Variants in AP3S2 observed in about 807,000 individuals in gnomAD.
AP3S2 encodes the protein adaptor related protein complex 3 subunit sigma 2.
In AP3S2, 22 loss-of-function variants were observed where a neutral mutation model predicts 23.4. The observed-to-expected ratio is 0.94, with a 90% CI of 0.67 to 1.34. The LOEUF is 1.34. Among genes scored for constraint, AP3S2 ranks in the 40% most tolerant of loss-of-function variants. The pLI, the probability that AP3S2 is intolerant of heterozygous loss-of-function variation, is 0.00. For missense variants in AP3S2, 241 were observed against 236.9 expected, an observed-to-expected ratio of 1.02 and a Z score of -0.11; for synonymous variants, 86 against 87.1, an observed-to-expected ratio of 0.99 and a Z score of 0.07.
intron 4 of AP3S2, among the ~76,000 whole-genome samples, chr15:89,856,527 C>T (rs1384178063): frequency 4.6e-5 from 7 of 151,940 alleles, no homozygotes; most frequent in South Asian, 4.1e-4. Context: ...GGTGCAACCC[C>T]GTCTCTACTA....
At chr15:89,892,331 A>C (rs1273484188) in intron 1 of AP3S2, among the ~76,000 whole-genome samples, 1 of 152,164 alleles carries the variant, frequency 6.6e-6, no homozygotes. Context: ...TGATGGTTAC[A>C]CAGCTTCTGT....
At chr15:89,869,710 A>T (rs1896272859) in intron 4 of AP3S2, among the ~76,000 whole-genome samples, 1 of 151,906 alleles carries the variant, frequency 6.6e-6, no homozygotes. Flanking sequence ...CACTTTGCAC[A>T]CTAGGTGGTA....
intron 3 of AP3S2, among the ~76,000 whole-genome samples, chr15:89,882,104 G>A (rs957762607): frequency 6.6e-6 from 1 of 152,024 alleles, no homozygotes; most frequent in African/African-American, 2.4e-5. Flanking sequence ...TTACAGGTGT[G>A]AGCCACCGTG....
At chr15:89,845,149 T>G (rs1895455727) in intron 4 of AP3S2, among the ~76,000 whole-genome samples, 1 of 152,170 alleles carries the variant, frequency 6.6e-6, no homozygotes, top group African/African-American at 2.4e-5. Flanking sequence ...TCAGGCAATC[T>G]GCCTACCCCG....
chr15:89,873,876 CTTTT>C (rs3055916), intron 3 of AP3S2, among the ~76,000 whole-genome samples: 4 of 76,872 alleles, frequency 5.2e-5, no homozygotes, highest in South Asian at 4.8e-4. Context: ...TTCTCTGTGG[CTTTT>C]TTTTTTTTTT....
At chr15:89,851,718 C>T (rs1452471926) in intron 4 of AP3S2, among the ~76,000 whole-genome samples, 2 of 152,086 alleles carry the variant, frequency 1.3e-5, no homozygotes, top group Non-Finnish European at 2.9e-5. Context: ...TAGTTGACTG[C>T]AGTAAAGTAT....
chr15:89,891,599 C>T (rs1054497206), intron 1 of AP3S2, among the ~76,000 whole-genome samples: 7 of 150,562 alleles, frequency 4.6e-5, no homozygotes, highest in African/African-American at 1.7e-4. Context: ...GCAGAGGTTA[C>T]AGTGAACCGA....
Position 89,889,081 on chromosome 15 carries a change from A to G in AP3S2, c.129T>C (p.Asp43=), listed in dbSNP as rs150296999. 2 of 1,614,110 alleles carry G rather than the reference A, an allele frequency of 1.2e-6. No individual in the cohort carries two copies. The highest frequency in any genetic ancestry group is 2.7e-5 in the African/African-American group (2 of 74,938). The change falls in exon 2 of 6, where the codon GAT becomes GAC. Residue 43 remains aspartate, a synonymous_variant. Transcript: ENST00000336418. ...RETFHLVLKR[D]DNICNFLEGG... ...CCTCCAAGAAGTTACAGATGTTGTC[A>G]TCCCGCTTGAGGACTAGATGGAAAG...
chr15:89,884,171 CCAGTTT>C (rs1454037203), intron 3 of AP3S2: 1 of 152,942 alleles, frequency 6.5e-6, no homozygotes, highest in African/African-American at 2.4e-5. Flanking sequence ...GCTTCTTATT[CCAGTTT>C]GAGTGTATTT....
intron 4 of AP3S2, among the ~76,000 whole-genome samples, chr15:89,867,785 C>T (rs1471150212): frequency 7.3e-6 from 1 of 137,678 alleles, no homozygotes; most frequent in Non-Finnish European, 1.6e-5. Flanking sequence ...GCAACCACCC[C>T]GTATGAGAAG....
chr15:89,858,152 G>A (rs906488085), intron 4 of AP3S2, among the ~76,000 whole-genome samples: 1 of 152,018 alleles, frequency 6.6e-6, no homozygotes, highest in Admixed American at 6.6e-5. Flanking sequence ...AAGAGATTCT[G>A]CTTTGCTGGG....
chr15:89,862,461 T>A (rs560449042), intron 4 of AP3S2, among the ~76,000 whole-genome samples: 2 of 152,204 alleles, frequency 1.3e-5, no homozygotes, highest in African/African-American at 2.4e-5. Flanking sequence ...AAAGTTATGA[T>A]GTCTGCAACT....
chr15:89,849,258 G>T (rs1414874154), intron 4 of AP3S2, among the ~76,000 whole-genome samples: 2 of 152,158 alleles, frequency 1.3e-5, no homozygotes, highest in African/African-American at 2.4e-5. Context: ...AACTTTAAAA[G>T]CGTATTACAC....
chr15:89,888,629 CA>C lies in AP3S2; in HGVS notation c.164del (p.Leu55Ter). 1.2e-6 allele frequency: 2 copies of C among 1,613,972 alleles called. No individual in the cohort carries two copies. The highest frequency in any genetic ancestry group is 2.2e-5 in the South Asian group (2 of 91,058). On this transcript the variant is annotated frameshift_variant and splice_region_variant, in exon 3 of 6. Transcript: ENST00000336418. LOFTEE classifies it high-confidence loss of function. Reference sequence around the variant, plus strand: ...TCAGTTTGTAGTCAGAGCCACCAATCAAACTGCAGAAGATGGGAAACATTTA... The same window carrying C: ...TCAGTTTGTAGTCAGAGCCACCAATCAACTGCAGAAGATGGGAAACATTTA... ...NICNFLEGGS[L>X]IGGSDYKLIY...
At chr15:89,872,700 C>T (rs1221137856) in intron 3 of AP3S2, among the ~76,000 whole-genome samples, 1 of 152,224 alleles carries the variant, frequency 6.6e-6, no homozygotes, top group Non-Finnish European at 1.5e-5. Flanking sequence ...AACCACCCTG[C>T]AGCGGCTGCT....
In AP3S2 at chr15:89,835,376, C is replaced by T; in HGVS notation, c.*139G>A. On this transcript the variant is annotated 3_prime_UTR_variant, in exon 6 of 6. Transcript: ENST00000336418. ...AATCCCTTCCCTATTCCATGCCAAA[C>T]AGTCTTCCCCAGACACAAAGTTTCC... 1 of 1,429,974 alleles carries T rather than the reference C, an allele frequency of 7.0e-7. No individual in the cohort carries two copies. Among genetic ancestry groups the T allele is most frequent in the Non-Finnish European group, 9.4e-7 (1 of 1,060,848 alleles). The allele number at this position is 1,429,974 out of a possible 1,614,324, so 88.6% of individuals were successfully genotyped here.
chr15:89,836,559 G>A (rs936512632), intron 5 of AP3S2, among the ~76,000 whole-genome samples: 6 of 152,134 alleles, frequency 3.9e-5, no homozygotes, highest in Admixed American at 3.3e-4. Context: ...GTGACAAAAC[G>A]CAAAGAGTAT....
At chr15:89,866,644 C>G (rs1404928437) in intron 4 of AP3S2, among the ~76,000 whole-genome samples, 4 of 151,952 alleles carry the variant, frequency 2.6e-5, no homozygotes, top group Non-Finnish European at 5.9e-5. Context: ...CACCACCAAG[C>G]CCAGCTAATT....
intron 4 of AP3S2, among the ~76,000 whole-genome samples, chr15:89,840,638 G>T (rs1895305840): frequency 6.6e-6 from 1 of 152,120 alleles, no homozygotes; most frequent in South Asian, 2.1e-4. Flanking sequence ...ATGTTGGCCA[G>T]GCTGGTCTGG....
Sources: gnomAD v4.1 joint callset for allele counts (sites outside exome capture counted in the v4.1 genomes callset) on GRCh38, gnomAD v4.1.1 for gene constraint, MANE v1.5 for transcripts, NCBI Gene and HGNC (gene_info 2026-07-23, HGNC 2026-07-21) for gene names.